BMPR2: variants seen among roughly 807,000 people sequenced by gnomAD.
BMPR2 encodes the protein bone morphogenetic protein receptor type 2.
In BMPR2, 29 loss-of-function variants were observed where a neutral mutation model predicts 100.8. The ratio of observed to expected loss-of-function variants is 0.29; its 90% CI spans 0.21 to 0.39. The LOEUF is 0.39. Among genes scored for constraint, BMPR2 ranks in the 10% least tolerant of loss-of-function variants. The probability of loss-of-function intolerance (pLI) is 1.00; values close to 1 mark genes in which losing one functional copy is unlikely to be tolerated. For synonymous variants in BMPR2, 382 were observed against 442.3 expected, an observed-to-expected ratio of 0.86 and a Z score of 1.71; for missense variants, 1,011 against 1,274.5, an observed-to-expected ratio of 0.79 and a Z score of 3.15.
At chr2:202,467,218 G>C (rs893597782) in intron 2 of BMPR2, among the ~76,000 whole-genome samples, 1 of 152,152 alleles carries the variant, frequency 6.6e-6, no homozygotes, top group Non-Finnish European at 1.5e-5. Context: ...AGCTGAGATC[G>C]TGCCATTGCA....
intron 7 of BMPR2, among the ~76,000 whole-genome samples, chr2:202,524,293 C>T (rs1413283499): frequency 2.0e-5 from 3 of 146,490 alleles, no homozygotes; most frequent in Admixed American, 7.0e-5. Flanking sequence ...ACCCGGTACG[C>T]GGGGCTTGCA....
In BMPR2 at chr2:202,381,126, C is replaced by T. The variant is rs1690282970; in HGVS notation, c.76+3576C>T. Among the ~76,000 whole-genome samples the T allele has an allele frequency of 2.0e-5, 3 of 151,976 alleles. No individual in the cohort carries two copies. In the South Asian group the frequency reaches 6.2e-4, roughly 32 times the overall value. ...AGTAGCTGGGACTACAGGTGTGCAC[C>T]ACCACACCCGGCTAATTTTTGTATT... On this transcript the variant is annotated intron_variant, in intron 1 of 12. Transcript: ENST00000374580.
Position 202,555,377 on chromosome 2 carries a change from C to G in BMPR2, c.1712C>G (p.Ser571Cys). 2 of 1,614,136 alleles carry G rather than the reference C, an allele frequency of 1.2e-6. No homozygotes were observed. Among genetic ancestry groups the G allele is most frequent in the Non-Finnish European group, 1.7e-6 (2 of 1,180,014 alleles). The stretch of plus-strand genomic sequence containing the variant: ...GTGAAGAATATTTCCTCTGAGCATT[C>G]TATGTCCAGCACACCTTTGACTATA... ...SIVKNISSEH[S>C]MSSTPLTIGE... The change falls in exon 12 of 13, where the codon TCT (serine) becomes TGT (cysteine). Residue 571 changes from serine to cysteine, a missense_variant. Ser to Cys is a moderately radical substitution (Grantham distance 112). This residue lies in a region of BMPR2 where 508 missense variants were observed against 552.0 expected (regional missense o/e 0.92). Transcript: ENST00000374580.
chr2:202,393,972 T>A (rs1690610331), intron 1 of BMPR2, among the ~76,000 whole-genome samples: 1 of 148,012 alleles, frequency 6.8e-6, no homozygotes, highest in Non-Finnish European at 1.5e-5. Context: ...CATCAGTAAT[T>A]ATCTTGAGAA....
At chr2:202,535,223 G>A (rs560970288) in intron 9 of BMPR2, among the ~76,000 whole-genome samples, 2 of 151,848 alleles carry the variant, frequency 1.3e-5, no homozygotes, top group African/African-American at 4.8e-5. Context: ...TGGCTGCCGG[G>A]CGGAGACACT....
At chr2:202,499,998 C>T (rs1347177372) in intron 3 of BMPR2, among the ~76,000 whole-genome samples, 2 of 152,212 alleles carry the variant, frequency 1.3e-5, no homozygotes, top group African/African-American at 4.8e-5. Flanking sequence ...TCCATGTCCA[C>T]TATGCCGAGG....
At chr2:202,459,682 C>T (rs1048434119) in intron 1 of BMPR2, among the ~76,000 whole-genome samples, 1 of 152,136 alleles carries the variant, frequency 6.6e-6, no homozygotes, top group Admixed American at 6.6e-5. Flanking sequence ...CCATTCTGGA[C>T]ATAGGAACAG....
intron 7 of BMPR2, among the ~76,000 whole-genome samples, chr2:202,524,964 C>T (rs759484891): frequency 3.3e-5 from 5 of 151,544 alleles, no homozygotes; most frequent in Admixed American, 6.6e-5. Flanking sequence ...TCAACAAGAG[C>T]GAAACTCCAT....
At chr2:202,449,904 G>C (rs988531345) in intron 1 of BMPR2, among the ~76,000 whole-genome samples, 2 of 152,018 alleles carry the variant, frequency 1.3e-5, no homozygotes, top group Admixed American at 6.6e-5. Context: ...TCAGGAGTTC[G>C]AGACCAGTCT....
chr2:202,544,761 C>CTTTTTTTTTTTTTTTTTTTTTTTTT, intron 10 of BMPR2, among the ~76,000 whole-genome samples: 1 of 82,724 alleles, frequency 1.2e-5, no homozygotes, highest in Non-Finnish European at 2.3e-5. Context: ...CTTTTTCTTT[C>CTTTTTTTTTTTTTTTTTTTTTTTTT]TTTTTTTTTT....
chr2:202,490,379 A>G (rs1293939196), intron 3 of BMPR2, among the ~76,000 whole-genome samples: 10 of 152,222 alleles, frequency 6.6e-5, no homozygotes, highest in Non-Finnish European at 1.0e-4. Flanking sequence ...ATATGTATAT[A>G]TACACAAATG....
intron 3 of BMPR2, among the ~76,000 whole-genome samples, chr2:202,511,275 G>A (rs1476562143): frequency 6.6e-6 from 1 of 152,112 alleles, no homozygotes; most frequent in Non-Finnish European, 1.5e-5. Flanking sequence ...TAAATCCTTT[G>A]TAGGAATATA....
chr2:202,484,343 C>T (rs1390728357), intron 3 of BMPR2, among the ~76,000 whole-genome samples: 2 of 144,048 alleles, frequency 1.4e-5, no homozygotes, highest in African/African-American at 5.5e-5. Context: ...TCCTTCCTTC[C>T]TTCCCTCCCT....
At chr2:202,381,997 AC>A (rs1690305314) in intron 1 of BMPR2, among the ~76,000 whole-genome samples, 1 of 151,152 alleles carries the variant, frequency 6.6e-6, no homozygotes, top group Admixed American at 6.6e-5. Context: ...AATTGGCCAC[AC>A]CACTTATTTT....
intron 1 of BMPR2, among the ~76,000 whole-genome samples, chr2:202,408,110 GGCGTGA>G (rs1209437078): frequency 5.3e-5 from 8 of 152,100 alleles, no homozygotes; most frequent in Non-Finnish European, 1.0e-4. Flanking sequence ...TGGGATTACA[GGCGTGA>G]GCCACCGTGC....
At chr2:202,447,081 G>A (rs1231806914) in intron 1 of BMPR2, among the ~76,000 whole-genome samples, 1 of 149,386 alleles carries the variant, frequency 6.7e-6, no homozygotes, top group Non-Finnish European at 1.5e-5. Context: ...GCCGAGGTGG[G>A]CGGATCATGA....
chr2:202,441,417 C>G (rs920296504), intron 1 of BMPR2, among the ~76,000 whole-genome samples: 2 of 150,022 alleles, frequency 1.3e-5, no homozygotes, highest in Non-Finnish European at 2.9e-5. Flanking sequence ...ATTTAAAAAT[C>G]ATAAAGGCTG....
chr2:202,553,019 T>A, intron 11 of BMPR2, 131 bp downstream of exon 11: 1 of 1,222,500 alleles, frequency 8.2e-7, no homozygotes, highest in Non-Finnish European at 1.2e-6. Flanking sequence ...AAGTTATCAT[T>A]TTTCTTTCAA....
At position 202,518,898 on chromosome 2, in the gene BMPR2, C is replaced by T. The variant is rs2106006923; in HGVS notation, c.698C>T (p.Ser233Phe). The T allele has an allele frequency of 6.2e-7, 1 of 1,614,178 alleles. No individual in the cohort carries two copies. Among genetic ancestry groups the T allele is most frequent in the Non-Finnish European group, 8.5e-7 (1 of 1,180,038 alleles). Reference sequence around the variant, plus strand: ...CGTCCAGTTGCTGTAAAAGTGTTTTCCTTTGCAAACCGTCAGAATTTTATC... The same window carrying T: ...CGTCCAGTTGCTGTAAAAGTGTTTTTCTTTGCAAACCGTCAGAATTTTATC... ...DERPVAVKVF[S>F]FANRQNFINE... The change falls in exon 6 of 13, where the codon TCC becomes TTC. Residue 233 changes from serine (S) to phenylalanine (F), a missense_variant. Physicochemically the swap from Ser to Phe is radical, Grantham distance 155 (BLOSUM62 -2). Transcript: ENST00000374580.
Sources: gnomAD v4.1 joint callset for allele counts (sites outside exome capture counted in the v4.1 genomes callset) on GRCh38, gnomAD v4.1.1 for gene constraint, gnomAD v4.1.1 regional missense constraint, MANE v1.5 for transcripts, NCBI Gene and HGNC (gene_info 2026-07-23, HGNC 2026-07-21) for gene names.